Variants in SYN3 observed in about 807,000 individuals in gnomAD.
The protein encoded by SYN3 is synapsin-3.
SYN3 carries 35 observed loss-of-function variants against 65.8 expected under a neutral mutation model. That is an observed-to-expected ratio of 0.53 (90% confidence interval 0.41 to 0.70). SYN3 has a LOEUF of 0.70. Ranked by LOEUF, SYN3 falls within the 30% of genes least tolerant of loss-of-function variation. The pLI, the probability that SYN3 is intolerant of heterozygous loss-of-function variation, is 0.00. For synonymous variants in SYN3, 270 were observed against 292.9 expected, an observed-to-expected ratio of 0.92 and a Z score of 0.80; for missense variants, 680 against 749.0, an observed-to-expected ratio of 0.91 and a Z score of 1.08.
intron 4 of SYN3, among the ~76,000 whole-genome samples, chr22:32,879,438 C>T (rs1420086804): frequency 2.0e-5 from 3 of 152,178 alleles, no homozygotes; most frequent in Admixed American, 2.0e-4. Flanking sequence ...AGGACCAAGG[C>T]ATCAGCTGAT....
intron 7 of SYN3, among the ~76,000 whole-genome samples, chr22:32,569,555 C>CTGTATATATATATA (rs1230609085): frequency 4.6e-5 from 5 of 109,718 alleles, no homozygotes; most frequent in African/African-American, 1.7e-4. Context: ...CTCTCTCTCT[C>CTGTATATATATATA]TCTCTCTCTC....
At chr22:32,546,177 C>T (rs1393332282) in intron 7 of SYN3, among the ~76,000 whole-genome samples, 1 of 152,272 alleles carries the variant, frequency 6.6e-6, no homozygotes, top group African/African-American at 2.4e-5. Flanking sequence ...CTGGAACCAC[C>T]ATTTCTGTCT....
At chr22:32,690,421 T>C (rs1312587427) in intron 6 of SYN3, among the ~76,000 whole-genome samples, 1 of 152,164 alleles carries the variant, frequency 6.6e-6, no homozygotes, top group African/African-American at 2.4e-5. Context: ...ACATACTCTT[T>C]CTCCACACCA....
intron 7 of SYN3, among the ~76,000 whole-genome samples, chr22:32,578,794 T>C (rs1380652458): frequency 6.6e-6 from 1 of 152,222 alleles, no homozygotes; most frequent in Non-Finnish European, 1.5e-5. Flanking sequence ...AAAAGCATTG[T>C]GTTAGGCCAG....
At chr22:32,796,737 G>A (rs2145904531) in intron 6 of SYN3, among the ~76,000 whole-genome samples, 1 of 152,220 alleles carries the variant, frequency 6.6e-6, no homozygotes, top group African/African-American at 2.4e-5. Flanking sequence ...GTCTGGAGGG[G>A]AAGAGGGAGG....
intron 1 of SYN3, among the ~76,000 whole-genome samples, chr22:33,055,309 C>T (rs191499246): frequency 1.3e-5 from 2 of 152,208 alleles, no homozygotes; most frequent in Non-Finnish European, 1.5e-5. Context: ...AAACTCATCT[C>T]GGGCCACTCC....
chr22:32,805,594 G>A (rs900183421), intron 6 of SYN3, among the ~76,000 whole-genome samples: 7 of 151,940 alleles, frequency 4.6e-5, no homozygotes, highest in East Asian at 1.9e-4. Flanking sequence ...CTGGTTGCAC[G>A]CACTTCCCAA....
chr22:32,836,326 C>T (rs1271958942), intron 6 of SYN3, among the ~76,000 whole-genome samples: 2 of 152,172 alleles, frequency 1.3e-5, no homozygotes, highest in Non-Finnish European at 2.9e-5. Flanking sequence ...TGCACAGACA[C>T]GATGTTCATA....
chr22:32,809,367 T>A (rs1029991600), intron 6 of SYN3, among the ~76,000 whole-genome samples: 1 of 152,222 alleles, frequency 6.6e-6, no homozygotes. Flanking sequence ...TCCCCGTCAG[T>A]CTGCTTATCT....
chr22:32,762,066 G>T (rs945511415), intron 6 of SYN3, among the ~76,000 whole-genome samples: 7 of 152,208 alleles, frequency 4.6e-5, no homozygotes, highest in African/African-American at 1.7e-4. Flanking sequence ...ACTCCAGAGG[G>T]TGCCATCTTC....
chr22:32,720,869 TGCCAGTGGG>T (rs1230379210), intron 6 of SYN3, among the ~76,000 whole-genome samples: 3 of 152,198 alleles, frequency 2.0e-5, no homozygotes, highest in Non-Finnish European at 4.4e-5. Context: ...TCCTCTTAAC[TGCCAGTGGG>T]GACATTGCTC....
At position 32,918,117 on chromosome 22, in the gene SYN3, T is replaced by C. The variant is rs79445885; in HGVS notation, c.461+13273A>G. Among the ~76,000 whole-genome samples, 40 of 152,312 alleles carry C rather than the reference T, an allele frequency of 2.6e-4. No homozygotes were observed. In the East Asian group the frequency reaches 7.7e-3, roughly 29 times the overall value. On this transcript the variant is annotated intron_variant, in intron 4 of 13. Coordinates refer to ENST00000358763, the MANE Select transcript of SYN3 (RefSeq NM_003490.4). ...GGCCTGACTCCCCTCAGCCGTGAGC[T>C]TTTCACTTTGCAGAGTTGTAGGATT...
At chr22:32,864,806 T>G in intron 6 of SYN3, 109 bp downstream of exon 6, 1 of 974,774 alleles carries the variant, frequency 1.0e-6, no homozygotes, top group Non-Finnish European at 1.6e-6. Context: ...GTCTGCGTGG[T>G]CAGTGTACAA....
At chr22:32,549,935 T>A (rs2058387931) in intron 7 of SYN3, among the ~76,000 whole-genome samples, 1 of 150,730 alleles carries the variant, frequency 6.6e-6, no homozygotes, top group South Asian at 2.1e-4. Context: ...CAAATGAGAA[T>A]GTTACCTATA....
intron 6 of SYN3, among the ~76,000 whole-genome samples, chr22:32,808,082 G>C (rs1322574020): frequency 1.3e-5 from 2 of 152,218 alleles, no homozygotes; most frequent in Non-Finnish European, 2.9e-5. Context: ...TGCCAGGAAA[G>C]CTGTGACCCT....
intron 13 of SYN3, 146 bp downstream of exon 13, chr22:32,517,896 TC>T: frequency 2.4e-6 from 2 of 847,066 alleles, no homozygotes; most frequent in South Asian, 9.0e-5. Context: ...GCAAATTCTG[TC>T]CTCTAGTCCT....
intron 4 of SYN3, among the ~76,000 whole-genome samples, chr22:32,896,421 A>G (rs867182729): frequency 3.9e-5 from 6 of 152,298 alleles, no homozygotes; most frequent in Middle Eastern, 3.4e-3. Context: ...GCGCCACTGC[A>G]CTCCAGCCTG....
At chr22:33,043,150 T>A (rs2053994214) in intron 1 of SYN3, among the ~76,000 whole-genome samples, 1 of 152,214 alleles carries the variant, frequency 6.6e-6, no homozygotes, top group African/African-American at 2.4e-5. Flanking sequence ...TAGTGACTGG[T>A]CTATAGTAAG....
intron 3 of SYN3, among the ~76,000 whole-genome samples, chr22:32,970,432 A>G (rs2051981222): frequency 1.3e-5 from 2 of 151,610 alleles, no homozygotes; most frequent in Admixed American, 1.3e-4. Flanking sequence ...ACTTGAGCCC[A>G]GGAATTCAAG....
Sources: allele counts gnomAD v4.1 joint callset (sites outside exome capture counted in the v4.1 genomes callset), GRCh38; gene constraint gnomAD v4.1.1; transcripts MANE v1.5; gene names NCBI Gene and HGNC (gene_info 2026-07-23, HGNC 2026-07-21).